The following RBMS3 variants were observed in gnomAD, a reference collection of about 807,000 sequenced individuals.
RBMS3 encodes the protein RNA-binding motif, single-stranded-interacting protein 3.
RBMS3 carries 27 observed loss-of-function variants against 66.8 expected under a neutral mutation model. The observed-to-expected ratio is 0.40, with a 90% confidence interval of 0.30 to 0.56. The LOEUF (loss-of-function observed/expected upper bound fraction) is 0.56. RBMS3 is among the 20% of genes least tolerant of loss of function. The pLI, the probability that RBMS3 is intolerant of heterozygous loss-of-function variation, is 0.40. For missense variants in RBMS3, 513 were observed against 549.5 expected (o/e 0.93, Z 0.66); for synonymous variants, 188 against 183.0 (o/e 1.03, Z -0.22).
At chr3:29,455,252 G>A (rs141938861) in intron 2 of RBMS3, among the ~76,000 whole-genome samples, 2 of 152,202 alleles carry the variant, frequency 1.3e-5, no homozygotes, top group African/African-American at 4.8e-5. Context: ...TCTTCTGTTA[G>A]CCTGAGGATT....
intron 3 of RBMS3, among the ~76,000 whole-genome samples, chr3:29,504,847 G>T (rs564248134): frequency 2.0e-5 from 3 of 152,156 alleles, no homozygotes; most frequent in Non-Finnish European, 4.4e-5. Flanking sequence ...ACTAGTCATG[G>T]TGAGCATGTT....
chr3:29,857,173 G>A (rs1205777638), intron 6 of RBMS3, among the ~76,000 whole-genome samples: 3 of 152,146 alleles, frequency 2.0e-5, no homozygotes, highest in Non-Finnish European at 4.4e-5. Context: ...TGCATCCTGG[G>A]AATTCTTTCA....
At chr3:29,658,925 C>T (rs1253303505) in intron 4 of RBMS3, among the ~76,000 whole-genome samples, 3 of 152,158 alleles carry the variant, frequency 2.0e-5, no homozygotes, top group Admixed American at 6.5e-5. Flanking sequence ...CGGGTTCAAG[C>T]GATTCTACTG....
At chr3:29,882,838 T>C (rs1031783103) in intron 7 of RBMS3, among the ~76,000 whole-genome samples, 1 of 152,204 alleles carries the variant, frequency 6.6e-6, no homozygotes. Context: ...TGTCTATGGT[T>C]TCTTATCCTT....
chr3:29,959,660 G>A (rs1181520991), intron 12 of RBMS3, among the ~76,000 whole-genome samples: 1 of 152,138 alleles, frequency 6.6e-6, no homozygotes, highest in East Asian at 1.9e-4. Context: ...GTAAAGGAAA[G>A]AGGTTTAATT....
At chr3:29,816,311 GACACACAC>G (rs66518208) in intron 6 of RBMS3, among the ~76,000 whole-genome samples, 1,920 of 69,058 alleles carry the variant, frequency 0.028, 40 homozygotes, top group East Asian at 0.15. Context: ...GACACACACA[GACACACAC>G]ACACACACAC....
At chr3:29,994,088 G>A (rs1477992903) in intron 14 of RBMS3, among the ~76,000 whole-genome samples, 5 of 152,346 alleles carry the variant, frequency 3.3e-5, no homozygotes, top group Admixed American at 6.5e-5. Flanking sequence ...TGCGCAAGCC[G>A]AAGCAGGGCG....
intron 4 of RBMS3, among the ~76,000 whole-genome samples, chr3:29,695,582 A>G (rs1040375300): frequency 1.3e-5 from 2 of 151,854 alleles, no homozygotes; most frequent in Non-Finnish European, 2.9e-5. Flanking sequence ...TTTTCTTCCA[A>G]GTGCAAAATT....
intron 4 of RBMS3, among the ~76,000 whole-genome samples, chr3:29,661,718 T>C (rs2888126): frequency 0.035 from 5,402 of 152,330 alleles, 213 homozygotes; most frequent in African/African-American, 0.09. Context: ...TCTTTATTTT[T>C]ATGGAATTCT....
chr3:29,807,457 C>T (rs1204498742), intron 6 of RBMS3, among the ~76,000 whole-genome samples: 1 of 151,904 alleles, frequency 6.6e-6, no homozygotes, highest in Non-Finnish European at 1.5e-5. Flanking sequence ...ATTGACCCAA[C>T]AATCTTATAT....
At position 29,576,537 on chromosome 3, in the gene RBMS3, A is replaced by G. The variant is rs114005857; in HGVS notation, c.308-10577A>G. Among the ~76,000 whole-genome samples, 1,185 of 152,192 alleles carry G rather than the reference A, an allele frequency of 7.8e-3. 18 individuals are homozygous for G. Among genetic ancestry groups the G allele is most frequent in the African/African-American group, 0.027 (1,140 of 41,506 alleles). ...GGCCTCTACAATTTACAGGTGGAAAATCCAGCCAAGTTTGTGTCCCTACCT... is the reference window on the plus strand; with the variant it reads ...GGCCTCTACAATTTACAGGTGGAAAGTCCAGCCAAGTTTGTGTCCCTACCT... On this transcript the variant is annotated intron_variant, in intron 3 of 14. Coordinates refer to ENST00000383767, the MANE Select transcript of RBMS3 (RefSeq NM_001003793.3).
At chr3:29,402,708 G>A (rs942669604) in intron 1 of RBMS3, among the ~76,000 whole-genome samples, 2 of 151,972 alleles carry the variant, frequency 1.3e-5, no homozygotes, top group Non-Finnish European at 2.9e-5. Context: ...CCAAAATGTA[G>A]CATTTGATTG....
intron 3 of RBMS3, among the ~76,000 whole-genome samples, chr3:29,530,293 C>CA (rs766382160): frequency 5.3e-5 from 8 of 152,142 alleles, no homozygotes; most frequent in Non-Finnish European, 1.2e-4. Flanking sequence ...ACATTGTAAA[C>CA]ATTCCAGAAA....
intron 4 of RBMS3, among the ~76,000 whole-genome samples, chr3:29,592,106 A>G (rs1005884821): frequency 6.8e-6 from 1 of 147,304 alleles, no homozygotes; most frequent in African/African-American, 2.5e-5. Flanking sequence ...AATAAAAAAA[A>G]CCAGTGGATT....
At chr3:29,284,634 A>C (rs558603888) in intron 1 of RBMS3, among the ~76,000 whole-genome samples, 4 of 152,182 alleles carry the variant, frequency 2.6e-5, no homozygotes, top group African/African-American at 9.6e-5. Context: ...ATTGGAATGA[A>C]TCTCTCAACT....
chr3:29,874,127 C>G (rs2059555505), intron 7 of RBMS3, among the ~76,000 whole-genome samples: 1 of 152,136 alleles, frequency 6.6e-6, no homozygotes, highest in Non-Finnish European at 1.5e-5. Flanking sequence ...GACCAGTCAC[C>G]AGTCAGCATA....
chr3:29,359,940 C>T, intron 1 of RBMS3, among the ~76,000 whole-genome samples: 1 of 151,960 alleles, frequency 6.6e-6, no homozygotes, highest in Non-Finnish European at 1.5e-5. Flanking sequence ...TCTCTCTTTT[C>T]TTCTTTATTA....
At chr3:29,948,874 C>A (rs1204535067) in intron 12 of RBMS3, among the ~76,000 whole-genome samples, 1 of 151,702 alleles carries the variant, frequency 6.6e-6, no homozygotes, top group Non-Finnish European at 1.5e-5. Context: ...AGGTCCATTT[C>A]TTGCCCCCAA....
At chr3:29,961,984 TTAA>T (rs1696483754) in intron 12 of RBMS3, among the ~76,000 whole-genome samples, 1 of 145,370 alleles carries the variant, frequency 6.9e-6, no homozygotes, top group Admixed American at 7.0e-5. Flanking sequence ...ATAATATATA[TTAA>T]TATATATAAT....
Sources: gnomAD v4.1 joint callset for allele counts (sites outside exome capture counted in the v4.1 genomes callset) on GRCh38, gnomAD v4.1.1 for gene constraint, MANE v1.5 for transcripts, NCBI Gene and HGNC (gene_info 2026-07-23, HGNC 2026-07-21) for gene names.